The following SNX4 variants were observed in gnomAD, a reference collection of about 807,000 sequenced individuals.
SNX4 encodes the protein sorting nexin-4.
In SNX4, 49 loss-of-function variants were observed where a neutral mutation model predicts 70.8. That is an observed-to-expected ratio of 0.69 (90% CI 0.55 to 0.88). The LOEUF is 0.88. Ranked by LOEUF, SNX4 falls within the 40% of genes least tolerant of loss-of-function variation. The pLI is 0.00. For missense variants in SNX4, 528 were observed against 544.8 expected (o/e 0.97, Z 0.31); for synonymous variants, 206 against 183.8 (o/e 1.12, Z -0.98).
intron 4 of SNX4, 35 bp downstream of exon 4, chr3:125,497,799 G>C (rs1265130683): frequency 7.0e-7 from 1 of 1,418,960 alleles, no homozygotes; most frequent in Admixed American, 2.5e-5. Context: ...CAAATTAAAT[G>C]AATATTTTAC....
intron 1 of SNX4, among the ~76,000 whole-genome samples, chr3:125,517,411 C>T (rs1935306058): frequency 6.6e-6 from 1 of 152,156 alleles, no homozygotes; most frequent in Non-Finnish European, 1.5e-5. Context: ...AGACCAAATT[C>T]CTATCAGTAA....
Position 125,451,260 on chromosome 3 carries a change from C to G in SNX4, c.1305+45G>C, listed in dbSNP as rs143348251. Reference sequence around the variant, plus strand: ...GGTAATTTAAATACATGTATAAGCACTTCTGAATATACATATATCTTCACT... The same window carrying G: ...GGTAATTTAAATACATGTATAAGCAGTTCTGAATATACATATATCTTCACT... On this transcript the variant is annotated intron_variant, in intron 13 of 13. Transcript: ENST00000251775. 5 of 1,357,536 alleles carry G rather than the reference C, an allele frequency of 3.7e-6. No homozygotes were observed. The South Asian group carries it at 6.5e-5, about 18-fold the overall frequency. 84.1% of individuals were successfully genotyped at this position (1,357,536 alleles called of 1,614,324 possible).
chr3:125,518,104 T>G (rs992087678), intron 1 of SNX4, among the ~76,000 whole-genome samples: 1 of 152,198 alleles, frequency 6.6e-6, no homozygotes, highest in African/African-American at 2.4e-5. Context: ...AAAAGACATA[T>G]ATAATGCCTT....
intron 1 of SNX4, among the ~76,000 whole-genome samples, chr3:125,507,522 G>A (rs1258624410): frequency 6.6e-6 from 1 of 152,112 alleles, no homozygotes; most frequent in Non-Finnish European, 1.5e-5. Flanking sequence ...TATGATAGAA[G>A]AAATGTATAT....
intron 9 of SNX4, among the ~76,000 whole-genome samples, chr3:125,468,760 G>A (rs1308401900): frequency 4.0e-5 from 6 of 151,654 alleles, no homozygotes; most frequent in African/African-American, 1.5e-4. Context: ...GAGGTGGAAG[G>A]TGTGCTTGAG....
At chr3:125,503,724 A>C (rs565457884) in intron 2 of SNX4, among the ~76,000 whole-genome samples, 2 of 152,302 alleles carry the variant, frequency 1.3e-5, no homozygotes, top group African/African-American at 4.8e-5. Context: ...AGAATTGCAC[A>C]GGGATTCTAA....
At chr3:125,504,566 A>G (rs1935006394) in intron 2 of SNX4, 57 bp downstream of exon 2, 1 of 1,530,256 alleles carries the variant, frequency 6.5e-7, no homozygotes. Context: ...GTCTGCATCA[A>G]TAGCTATCAG....
chr3:125,486,653 A>G (rs552681610), intron 6 of SNX4, among the ~76,000 whole-genome samples: 23 of 152,182 alleles, frequency 1.5e-4, no homozygotes, highest in Non-Finnish European at 2.6e-4. Context: ...TACTTATATA[A>G]TCTGGTCAGT....
At chr3:125,458,461 G>A (rs1052685650) in intron 10 of SNX4, among the ~76,000 whole-genome samples, 2 of 152,056 alleles carry the variant, frequency 1.3e-5, no homozygotes, top group African/African-American at 2.4e-5. Context: ...GAGCCATGTC[G>A]CCTGGCCTAG....
intron 8 of SNX4, among the ~76,000 whole-genome samples, chr3:125,474,876 G>T (rs772212820): frequency 1.1e-4 from 16 of 151,970 alleles, no homozygotes; most frequent in African/African-American, 3.6e-4. Context: ...TATAATTTTT[G>T]TTTTTAAATA....
intron 9 of SNX4, among the ~76,000 whole-genome samples, chr3:125,467,279 C>A (rs776218899): frequency 6.6e-6 from 1 of 150,950 alleles, no homozygotes; most frequent in African/African-American, 2.4e-5. Context: ...CCCAGCTACT[C>A]GGGAGGCTGA....
chr3:125,517,858 C>T (rs1235163005), intron 1 of SNX4, among the ~76,000 whole-genome samples: 1 of 152,124 alleles, frequency 6.6e-6, no homozygotes, highest in Non-Finnish European at 1.5e-5. Context: ...CACCTGTAAT[C>T]CCAGCTACTC....
intron 10 of SNX4, 97 bp from the exon 11 acceptor site, chr3:125,457,462 G>A: frequency 1.2e-6 from 1 of 820,798 alleles, no homozygotes. Context: ...TGTCTCGCTA[G>A]GGCAGAATGT....
intron 12 of SNX4, among the ~76,000 whole-genome samples, chr3:125,453,434 T>C (rs1003670254): frequency 1.3e-5 from 2 of 152,134 alleles, no homozygotes; most frequent in Admixed American, 1.3e-4. Flanking sequence ...TTATTTCTCT[T>C]TCCCCCACAT....
chr3:125,509,989 C>T (rs1230055671), intron 1 of SNX4, among the ~76,000 whole-genome samples: 2 of 152,092 alleles, frequency 1.3e-5, no homozygotes, highest in African/African-American at 4.8e-5. Flanking sequence ...GAAATTGGAA[C>T]CCTCGTGCCC....
intron 5 of SNX4, among the ~76,000 whole-genome samples, chr3:125,489,855 G>T (rs1201018828): frequency 6.6e-6 from 1 of 152,262 alleles, no homozygotes; most frequent in Non-Finnish European, 1.5e-5. Flanking sequence ...GCCGGGCACA[G>T]TGGCTCATGC....
intron 2 of SNX4, among the ~76,000 whole-genome samples, chr3:125,500,421 G>A (rs1024552683): frequency 1.3e-5 from 2 of 152,056 alleles, no homozygotes; most frequent in Non-Finnish European, 2.9e-5. Flanking sequence ...AAAAACCAGG[G>A]ACTTTAGTTT....
intron 6 of SNX4, among the ~76,000 whole-genome samples, chr3:125,488,820 A>G (rs1934591346): frequency 1.3e-5 from 2 of 152,222 alleles, no homozygotes; most frequent in Admixed American, 6.5e-5. Context: ...ATTGCCAAGT[A>G]AAGGTCCATA....
chr3:125,481,589 T>C (rs1934415017), intron 6 of SNX4, among the ~76,000 whole-genome samples: 1 of 152,062 alleles, frequency 6.6e-6, no homozygotes, highest in African/African-American at 2.4e-5. Flanking sequence ...TCTGGGATTA[T>C]AGGCATGTAC....
Sources: allele counts gnomAD v4.1 joint callset (sites outside exome capture counted in the v4.1 genomes callset), GRCh38; gene constraint gnomAD v4.1.1; transcripts MANE v1.5; gene names NCBI Gene and HGNC (gene_info 2026-07-23, HGNC 2026-07-21).